MAP3K5: variants seen among roughly 807,000 people sequenced by gnomAD.
The protein encoded by MAP3K5 is mitogen-activated protein kinase kinase kinase 5, also known as ASK-1.
Under a neutral mutation model 158.7 loss-of-function variants are expected in MAP3K5, and 56 were observed. That is an observed-to-expected ratio of 0.35 (90% confidence interval 0.28 to 0.44). The LOEUF (loss-of-function observed/expected upper bound fraction) is 0.44. Among genes scored for constraint, MAP3K5 ranks in the 20% least tolerant of loss-of-function variants. The pLI, the probability that MAP3K5 is intolerant of heterozygous loss-of-function variation, is 1.00. For synonymous variants in MAP3K5, 579 were observed against 601.7 expected (o/e 0.96, Z 0.55); for missense variants, 1,294 against 1,674.8 (o/e 0.77, Z 3.97).
intron 1 of MAP3K5, among the ~76,000 whole-genome samples, chr6:136,767,551 T>C (rs771036394): frequency 1.3e-5 from 2 of 151,892 alleles, no homozygotes; most frequent in Non-Finnish European, 2.9e-5. Flanking sequence ...GAAGCAAAAC[T>C]TGAGTCCAGC....
chr6:136,608,575 TG>T (rs1776200070), intron 18 of MAP3K5, among the ~76,000 whole-genome samples: 1 of 152,128 alleles, frequency 6.6e-6, no homozygotes, highest in African/African-American at 2.4e-5. Context: ...CAGAAGAGTG[TG>T]CCGGGGACAG....
chr6:136,669,386 C>T lies in MAP3K5; in HGVS notation c.1263G>A (p.Lys421=). 1 of 1,593,164 alleles carries T rather than the reference C, an allele frequency of 6.3e-7. No individual in the cohort carries two copies. Among genetic ancestry groups the T allele is most frequent in the Non-Finnish European group, 8.6e-7 (1 of 1,162,184 alleles). The change falls in exon 8 of 30, where the codon AAG becomes AAA. Residue 421 remains lysine (K), a synonymous_variant. Coordinates refer to ENST00000359015, the MANE Select transcript of MAP3K5 (RefSeq NM_005923.4). ...SRDHGASWFK[K]AFESEPTLQS... Reference sequence around the variant, plus strand: ...GTAGTGTTGGCTCAGATTCAAATGCCTTTTTGAACCTATAAAAAACCACAA... The same window carrying T: ...GTAGTGTTGGCTCAGATTCAAATGCTTTTTTGAACCTATAAAAAACCACAA...
chr6:136,650,665 T>G (rs1778479418), intron 11 of MAP3K5, among the ~76,000 whole-genome samples: 1 of 152,224 alleles, frequency 6.6e-6, no homozygotes, highest in African/African-American at 2.4e-5. Flanking sequence ...GTCACGTATT[T>G]TAAGTATTAG....
chr6:136,645,919 G>A (rs1352439894), intron 11 of MAP3K5, among the ~76,000 whole-genome samples: 4 of 152,140 alleles, frequency 2.6e-5, no homozygotes, highest in African/African-American at 9.7e-5. Flanking sequence ...TAAACATTCT[G>A]TGATAAAAAC....
intron 7 of MAP3K5, among the ~76,000 whole-genome samples, chr6:136,670,105 T>C (rs1779418973): frequency 6.6e-6 from 1 of 152,008 alleles, no homozygotes; most frequent in African/African-American, 2.4e-5. Flanking sequence ...AGATGTAGAG[T>C]ATGTCTCTAC....
chr6:136,744,524 G>A (rs1782850896), intron 1 of MAP3K5, among the ~76,000 whole-genome samples: 1 of 152,084 alleles, frequency 6.6e-6, no homozygotes, highest in Non-Finnish European at 1.5e-5. Flanking sequence ...TGTGCTGGAA[G>A]GAGGACCTAG....
intron 8 of MAP3K5, among the ~76,000 whole-genome samples, chr6:136,667,741 C>G (rs1290937594): frequency 6.6e-6 from 1 of 151,494 alleles, no homozygotes; most frequent in East Asian, 2.0e-4. Flanking sequence ...GTCTCAGCTA[C>G]CCGGGAGGCT....
chr6:136,606,732 T>C (rs1776117494), intron 18 of MAP3K5, among the ~76,000 whole-genome samples: 1 of 152,242 alleles, frequency 6.6e-6, no homozygotes, highest in Non-Finnish European at 1.5e-5. Context: ...CCAAAAGAAC[T>C]GCTTCAGATT....
chr6:136,721,070 T>C (rs564247492), intron 1 of MAP3K5, among the ~76,000 whole-genome samples: 2 of 152,276 alleles, frequency 1.3e-5, no homozygotes, highest in African/African-American at 2.4e-5. Context: ...TGAGCCACCA[T>C]GCCTGGCCCA....
chr6:136,724,260 T>G (rs1344158338), intron 1 of MAP3K5, among the ~76,000 whole-genome samples: 1 of 151,340 alleles, frequency 6.6e-6, no homozygotes, highest in Non-Finnish European at 1.5e-5. Context: ...TTTTTTTTTT[T>G]TTTTTTGAGA....
At chr6:136,729,625 T>C (rs572136412) in intron 1 of MAP3K5, among the ~76,000 whole-genome samples, 3 of 152,338 alleles carry the variant, frequency 2.0e-5, no homozygotes, top group South Asian at 4.1e-4. Flanking sequence ...TATGAAAACA[T>C]AGAAAGCCAA....
intron 15 of MAP3K5, among the ~76,000 whole-genome samples, chr6:136,619,931 T>A (rs781259391): frequency 1.9e-4 from 29 of 152,202 alleles, no homozygotes; most frequent in Non-Finnish European, 8.8e-5. Flanking sequence ...AGACAGTAAC[T>A]GATAACACAA....
chr6:136,647,050 A>G (rs1045101599), intron 11 of MAP3K5, among the ~76,000 whole-genome samples: 4 of 152,202 alleles, frequency 2.6e-5, no homozygotes, highest in Non-Finnish European at 5.9e-5. Context: ...ATTTGTGATT[A>G]AGTTGTATAC....
In MAP3K5 at chr6:136,642,589, A is replaced by G. The variant is rs1445506906; in HGVS notation, c.1789-20T>C. 3.9e-6 allele frequency: 6 copies of G among 1,535,984 alleles called. No homozygotes were observed. Among genetic ancestry groups the G allele is most frequent in the Non-Finnish European group, 4.5e-6 (5 of 1,111,338 alleles). On this transcript the variant is annotated intron_variant, in intron 11 of 29. Coordinates refer to ENST00000359015, the MANE Select transcript of MAP3K5 (RefSeq NM_005923.4). ...ACCTTTCTAGAACAACAACAAGAAA[A>G]TATACTGAGTCATCCAAATGGAAAA... is the stretch of plus-strand genomic sequence containing the variant.
chr6:136,757,586 A>ATTTTTTTTTT (rs897486770), intron 1 of MAP3K5, among the ~76,000 whole-genome samples: 1 of 127,818 alleles, frequency 7.8e-6, no homozygotes, highest in African/African-American at 3.1e-5. Flanking sequence ...TTTATTTTTT[A>ATTTTTTTTTT]TTTTTTTTTT....
chr6:136,575,049 A>G (rs1011591799), intron 25 of MAP3K5, among the ~76,000 whole-genome samples: 2 of 152,140 alleles, frequency 1.3e-5, no homozygotes, highest in Admixed American at 1.3e-4. Flanking sequence ...AGAAGTTGCA[A>G]AAATAGTGCA....
chr6:136,693,054 G>A (rs1396420485), intron 7 of MAP3K5, among the ~76,000 whole-genome samples: 2 of 152,118 alleles, frequency 1.3e-5, no homozygotes, highest in Middle Eastern at 3.4e-3. Context: ...TCATATTTTG[G>A]TATTTAACTC....
At position 136,567,867 on chromosome 6, in the gene MAP3K5, C is replaced by T; in HGVS notation, c.3525G>A (p.Arg1175=). ...TAITILVPEL[R]PHFSLASESD... is the part of the protein sequence containing the mutation. ...TCTCAGATGCAAGGCTGAAATGTGG[C>T]CTTAGTTCTGTTTGGCATAATATCA... Residue 1175 remains arginine, a synonymous_variant, in exon 26 of 30, where the codon AGG becomes AGA. Transcript: ENST00000359015. The T allele has an allele frequency of 6.2e-7, 1 of 1,613,786 alleles. No individual in the cohort carries two copies. Among genetic ancestry groups the T allele is most frequent in the Non-Finnish European group, 8.5e-7 (1 of 1,179,940 alleles).
At chr6:136,706,764 G>T (rs972849898) in intron 2 of MAP3K5, among the ~76,000 whole-genome samples, 8 of 152,184 alleles carry the variant, frequency 5.3e-5, no homozygotes, top group Admixed American at 1.3e-4. Flanking sequence ...TAAGATTTTT[G>T]AATGTTTAAG....
Sources: allele counts gnomAD v4.1 joint callset (sites outside exome capture counted in the v4.1 genomes callset), GRCh38; gene constraint gnomAD v4.1.1; transcripts MANE v1.5; gene names NCBI Gene and HGNC (gene_info 2026-07-23, HGNC 2026-07-21).